The following SPAG5 variants were observed in gnomAD, a reference collection of about 807,000 sequenced individuals.
SPAG5 encodes sperm associated antigen 5.
A neutral mutation model predicts 145.4 loss-of-function variants in SPAG5; 99 were observed. That is an observed-to-expected ratio of 0.68 (90% confidence interval 0.58 to 0.80). SPAG5 has a LOEUF of 0.80. SPAG5 is among the 30% of genes least tolerant of loss of function. SPAG5 has a pLI of 0.00. For missense variants in SPAG5, 1,192 were observed against 1,416.0 expected, an observed-to-expected ratio of 0.84 and a Z score of 2.54; for synonymous variants, 477 against 525.4, an observed-to-expected ratio of 0.91 and a Z score of 1.26.
At position 28,579,455 on chromosome 17, in the gene SPAG5, T is replaced by A; in HGVS notation, c.2915A>T (p.Glu972Val). ...AAGCTCAGTAGTCATAATACTCATT[T>A]CTGCCAGGCTCTCCTCCATGCCTGG... is the stretch of plus-strand genomic sequence containing the variant. ...ETPGMEESLA[E>V]MSIMTTELQS... is the part of the protein sequence containing the mutation. Residue 972 changes from glutamate (E) to valine (V), a missense_variant, in exon 18 of 24, where the codon GAA becomes GTA. Around this residue, in one of 5 missense-constraint regions of SPAG5, gnomAD observed 709 missense variants for 840.7 expected, o/e 0.84. Coordinates refer to ENST00000321765, the MANE Select transcript of SPAG5 (RefSeq NM_006461.4). 6.2e-7 allele frequency: 1 copy of A among 1,614,148 alleles called. No individual in the cohort carries two copies. The highest frequency in any genetic ancestry group is 8.5e-7 in the Non-Finnish European group (1 of 1,180,004).
At chr17:28,583,423 CAGTT>C in intron 15 of SPAG5, 84 bp downstream of exon 15, 1 of 1,403,168 alleles carries the variant, frequency 7.1e-7, no homozygotes, top group Non-Finnish European at 9.6e-7. Context: ...TAAAAGGTCA[CAGTT>C]AGAAAAAGAG....
At position 28,592,903 on chromosome 17, in the gene SPAG5, G is replaced by A. The variant is rs747077261; in HGVS notation, c.341C>T (p.Thr114Met). Residue 114 changes from threonine to methionine, a missense_variant, in exon 3 of 24, where the codon ACG becomes ATG. Transcript: ENST00000321765. Reference protein sequence around the residue: ...PIPQISSTPKTSEEAVDPLGN... With the variant: ...PIPQISSTPKMSEEAVDPLGN... ...CAGTGGGTCTACTGCTTCCTCAGAC[G>A]TTTTAGGAGTAGAGCTAATTTGGGG... The A allele has an allele frequency of 6.8e-6, 11 of 1,614,050 alleles. No individual in the cohort carries two copies. Among genetic ancestry groups the A allele is most frequent in the Middle Eastern group, 1.6e-4 (1 of 6,084 alleles).
rs761151334 is a variant in SPAG5 at position 28,583,979 on chromosome 17, T to C, written c.2420A>G (p.Asp807Gly). Residue 807 changes from aspartate to glycine, a missense_variant, in exon 14 of 24, where the codon GAC becomes GGC. Physicochemically the swap from Asp to Gly is moderately conservative, Grantham distance 94. Around this residue, in one of 5 missense-constraint regions of SPAG5, gnomAD observed 709 missense variants for 840.7 expected, o/e 0.84. Coordinates refer to ENST00000321765, the MANE Select transcript of SPAG5 (RefSeq NM_006461.4). ...RDLKETLEFA[D>G]QENQVAHLEL... ...CAGGTGAGCAACCTGATTCTCCTGG[T>C]CTGCAAACTGGGAAGACAAGAGAAG... is the stretch of plus-strand genomic sequence containing the variant. The C allele has an allele frequency of 6.2e-7, 1 of 1,614,100 alleles. No individual in the cohort carries two copies. Among genetic ancestry groups the C allele is most frequent in the South Asian group, 1.1e-5 (1 of 91,078 alleles).
chr17:28,593,147 T>C, intron 2 of SPAG5, 81 bp from the exon 3 acceptor site: 1 of 1,495,706 alleles, frequency 6.7e-7, no homozygotes, highest in South Asian at 1.3e-5. Context: ...GATAGTGCAC[T>C]CAAAAAAGAA....
Position 28,579,832 on chromosome 17 carries a change from C to G in SPAG5, c.2803G>C (p.Glu935Gln). The change falls in exon 17 of 24, where the codon GAA becomes CAA. Residue 935 changes from glutamate (E) to glutamine (Q), a missense_variant. By Grantham distance (29) the Glu-to-Gln change is conservative. Around this residue, in one of 5 missense-constraint regions of SPAG5, gnomAD observed 709 missense variants for 840.7 expected, o/e 0.84. Transcript: ENST00000321765. Reference protein sequence around the residue: ...ILTAVADEEPESTPVPLLGSD... With the variant: ...ILTAVADEEPQSTPVPLLGSD... Reference sequence around the variant, plus strand: ...CCAAGCAAGGGCACAGGAGTTGATTCTGGCTCTAAGAGAAAAACCAATAAT... The same window carrying G: ...CCAAGCAAGGGCACAGGAGTTGATTGTGGCTCTAAGAGAAAAACCAATAAT... 1 of 1,614,162 alleles carries G rather than the reference C, an allele frequency of 6.2e-7. No homozygotes were observed. The highest frequency in any genetic ancestry group is 8.5e-7 in the Non-Finnish European group (1 of 1,179,992).
At chr17:28,595,325 G>A (rs2070656170) in intron 2 of SPAG5, among the ~76,000 whole-genome samples, 1 of 150,168 alleles carries the variant, frequency 6.7e-6, no homozygotes, top group Non-Finnish European at 1.5e-5. Flanking sequence ...ATACAAAATA[G>A]ACACACATAA....
intron 4 of SPAG5, among the ~76,000 whole-genome samples, chr17:28,587,242 C>CTT: frequency 6.9e-6 from 1 of 145,478 alleles, no homozygotes. Context: ...AGTGAAACCC[C>CTT]ATCTCTAAAA....
In SPAG5 at chr17:28,584,233, C is replaced by T; in HGVS notation, c.2329G>A (p.Ala777Thr). ...AGTTCTGCCTGCATGTGTTTTAGTG[C>T]CATCTCTTCCTTTTGCCATCTGCCA... ...QAAQWQKEEM[A>T]LKHMQAELQQ... The change falls in exon 13 of 24, where the codon GCA (alanine) becomes ACA (threonine). Residue 777 changes from alanine to threonine, a missense_variant. Coordinates refer to ENST00000321765, the MANE Select transcript of SPAG5 (RefSeq NM_006461.4). 1 of 1,613,920 alleles carries T rather than the reference C, an allele frequency of 6.2e-7. No homozygotes were observed.
intron 4 of SPAG5, among the ~76,000 whole-genome samples, chr17:28,590,887 A>AC (rs1163198400): frequency 2.1e-4 from 32 of 150,990 alleles, no homozygotes; most frequent in African/African-American, 7.8e-4. Context: ...AAAAAAAAAA[A>AC]AAAAAACTAA....
intron 7 of SPAG5, 24 bp from the exon 8 acceptor site, chr17:28,585,677 G>C (rs772584034): frequency 6.2e-7 from 1 of 1,612,762 alleles, no homozygotes; most frequent in South Asian, 1.1e-5. Flanking sequence ...TGGTTGCAAG[G>C]CCACAGTGGG....
In SPAG5 at chr17:28,585,590, C is replaced by T. The variant is rs2070579255; in HGVS notation, c.1804G>A (p.Asp602Asn). Residue 602 changes from aspartate to asparagine, a missense_variant, in exon 8 of 24, where the codon GAC becomes AAC. Physicochemically the swap from Asp to Asn is conservative, Grantham distance 23 (BLOSUM62 1). Coordinates refer to ENST00000321765, the MANE Select transcript of SPAG5 (RefSeq NM_006461.4). ...ASQRISQLEQDLASMREFRGL... is the reference protein window; with the variant it reads ...ASQRISQLEQNLASMREFRGL... The stretch of plus-strand genomic sequence containing the variant: ...CTGAATTCCCGCATGGATGCTAGGT[C>T]CTGTTCCAGCTGGCTGATGCGCTGG... 6.2e-7 allele frequency: 1 copy of T among 1,614,030 alleles called. No homozygotes were observed. Among genetic ancestry groups the T allele is most frequent in the African/African-American group, 1.3e-5 (1 of 74,932 alleles).
chr17:28,585,268 A>G (rs551441461), intron 9 of SPAG5, 51 bp downstream of exon 9: 1 of 1,606,822 alleles, frequency 6.2e-7, no homozygotes, highest in Non-Finnish European at 8.5e-7. Context: ...AAAGCTCACA[A>G]CAGGACTTGA....
Position 28,585,894 on chromosome 17 carries a change from T to C in SPAG5, c.1710A>G (p.Arg570=). 1.2e-6 allele frequency: 2 copies of C among 1,614,250 alleles called. No individual in the cohort carries two copies. The highest frequency in any genetic ancestry group is 1.7e-6 in the Non-Finnish European group (2 of 1,180,032). Residue 570 remains arginine (R), a synonymous_variant, in exon 7 of 24, where the codon AGA becomes AGG. Coordinates refer to ENST00000321765, the MANE Select transcript of SPAG5 (RefSeq NM_006461.4). The part of the protein sequence containing the change: ...LKAEREEARH[R]EEMALRGKDA... ...CCTTGCCTCTGAGAGCCATTTCCTC[T>C]CTGTGCCTTGCCTCCTCCCTTTCTG...
chr17:28,589,563 A>AT (rs982868818), intron 4 of SPAG5, among the ~76,000 whole-genome samples: 6 of 152,070 alleles, frequency 3.9e-5, no homozygotes, highest in Admixed American at 2.0e-4. Context: ...TTGAACATAT[A>AT]TTTTTTATTT....
At position 28,591,791 on chromosome 17, in the gene SPAG5, G is replaced by A. The variant is rs1456100911; in HGVS notation, c.1344C>T (p.Leu448=). The A allele has an allele frequency of 6.2e-7, 1 of 1,614,046 alleles. No homozygotes were observed. The highest frequency in any genetic ancestry group is 1.3e-5 in the African/African-American group (1 of 74,920). ...TCTTCCAGTCCCGAAGCTGGCGGGA[G>A]AGAACCTCCAGAATGACAAGAGAGC... ...LLSSLVILEV[L]SRQLRDWKSQ... Residue 448 remains leucine (L), a synonymous_variant, in exon 4 of 24, where the codon CTC becomes CTT. Transcript: ENST00000321765.
At chr17:28,578,891 C>A in intron 19 of SPAG5, 139 bp from the exon 20 acceptor site, 1 of 770,548 alleles carries the variant, frequency 1.3e-6, no homozygotes, top group Non-Finnish European at 2.2e-6. Context: ...TTCCCCAGGG[C>A]CAAGCCAGGC....
intron 4 of SPAG5, among the ~76,000 whole-genome samples, chr17:28,589,910 T>A (rs2151522032): frequency 6.6e-6 from 1 of 152,054 alleles, no homozygotes; most frequent in South Asian, 2.1e-4. Context: ...AGAAACTATC[T>A]CAAAAAATAA....
At chr17:28,586,576 G>C in intron 4 of SPAG5, 77 bp from the exon 5 acceptor site, 3 of 1,218,850 alleles carry the variant, frequency 2.5e-6, no homozygotes, top group Non-Finnish European at 2.4e-6. Flanking sequence ...CTATCATCCA[G>C]ACTGGAGTGC....
chr17:28,592,202 T>C lies in SPAG5; in HGVS notation c.1042A>G (p.Lys348Glu), dbSNP rs768038110. 10 of 1,614,052 alleles carry C rather than the reference T, an allele frequency of 6.2e-6. No homozygotes were observed. In the African/African-American group the frequency reaches 1.3e-4, roughly 22 times the overall value. The stretch of plus-strand genomic sequence containing the variant: ...AGCATGACGGAGGTATTTACACCTT[T>C]TTCCAGCCAGGCCAGTGGGGACATC... Reference protein sequence around the residue: ...SWMSPLAWLEKGVNTSVMLEN... With the variant: ...SWMSPLAWLEEGVNTSVMLEN... Residue 348 changes from lysine to glutamate, a missense_variant, in exon 3 of 24, where the codon AAA (lysine) becomes GAA (glutamate). By Grantham distance (56) the Lys-to-Glu change is moderately conservative. This residue lies in a region of SPAG5 where 125 missense variants were observed against 143.8 expected (regional missense o/e 0.87). Coordinates refer to ENST00000321765, the MANE Select transcript of SPAG5 (RefSeq NM_006461.4).
Sources: allele counts gnomAD v4.1 joint callset (sites outside exome capture counted in the v4.1 genomes callset), GRCh38; gene constraint gnomAD v4.1.1; regional missense constraint gnomAD v4.1.1; transcripts MANE v1.5; gene names NCBI Gene and HGNC (gene_info 2026-07-23, HGNC 2026-07-21).